ANK3: variants seen among roughly 807,000 people sequenced by gnomAD.
The protein encoded by ANK3 is ankyrin-3.
Under a neutral mutation model 370.9 loss-of-function variants are expected in ANK3, and 57 were observed. The ratio of observed to expected loss-of-function variants is 0.15; its 90% CI spans 0.12 to 0.19. The LOEUF (loss-of-function observed/expected upper bound fraction) is 0.19. Ranked by LOEUF, ANK3 falls within the 10% of genes least tolerant of loss-of-function variation. ANK3 has a pLI of 1.00. For missense variants in ANK3, 4,439 were observed against 5,302.1 expected (o/e 0.84, Z 5.06); for synonymous variants, 1,929 against 1,946.3 (o/e 0.99, Z 0.23).
chr10:60,727,137 A>G (rs1274630551), intron 1 of ANK3, among the ~76,000 whole-genome samples: 1 of 152,128 alleles, frequency 6.6e-6, no homozygotes, highest in Non-Finnish European at 1.5e-5. Flanking sequence ...CCCCGCCCCA[A>G]GCAAAAGAAA....
At chr10:60,241,771 C>T (rs1488615645) in intron 7 of ANK3, among the ~76,000 whole-genome samples, 2 of 152,018 alleles carry the variant, frequency 1.3e-5, no homozygotes, top group African/African-American at 4.8e-5. Context: ...TTTACTTCTC[C>T]TTAATCCTTT....
At chr10:60,422,960 G>A (rs541751375) in intron 2 of ANK3, among the ~76,000 whole-genome samples, 1 of 152,128 alleles carries the variant, frequency 6.6e-6, no homozygotes, top group East Asian at 1.9e-4. Flanking sequence ...AGGCACTATT[G>A]ACATTTGGTG....
chr10:60,267,520 G>C (rs997673410), intron 5 of ANK3, among the ~76,000 whole-genome samples: 1 of 152,048 alleles, frequency 6.6e-6, no homozygotes, highest in African/African-American at 2.4e-5. Flanking sequence ...ATGTAAAAGA[G>C]TAAAAACTTT....
chr10:60,330,500 G>A (rs906222208), intron 1 of ANK3, among the ~76,000 whole-genome samples: 3 of 152,090 alleles, frequency 2.0e-5, no homozygotes, highest in East Asian at 1.9e-4. Flanking sequence ...ACATTTATGC[G>A]GCCAACAAAC....
At chr10:60,343,635 TG>T (rs2054755814) in intron 1 of ANK3, among the ~76,000 whole-genome samples, 1 of 152,186 alleles carries the variant, frequency 6.6e-6, no homozygotes, top group African/African-American at 2.4e-5. Flanking sequence ...ATGGCTCCTC[TG>T]AGGAGTGAGA....
At chr10:60,702,347 T>A (rs925297544) in intron 1 of ANK3, among the ~76,000 whole-genome samples, 1 of 152,106 alleles carries the variant, frequency 6.6e-6, no homozygotes, top group Non-Finnish European at 1.5e-5. Flanking sequence ...AACAAATAAT[T>A]TGTACTCTAT....
At chr10:60,447,661 A>G (rs1326093941) in intron 2 of ANK3, among the ~76,000 whole-genome samples, 1 of 152,164 alleles carries the variant, frequency 6.6e-6, no homozygotes, top group African/African-American at 2.4e-5. Flanking sequence ...GTCAAAAATG[A>G]CATTTATTCC....
intron 2 of ANK3, among the ~76,000 whole-genome samples, chr10:60,430,529 G>A (rs771812377): frequency 6.6e-6 from 1 of 152,010 alleles, no homozygotes; most frequent in Non-Finnish European, 1.5e-5. Context: ...GTTCAAATCA[G>A]GACACTATTA....
chr10:60,481,464 G>GATATAT (rs57285526), intron 2 of ANK3, among the ~76,000 whole-genome samples: 1 of 150,980 alleles, frequency 6.6e-6, no homozygotes, highest in Admixed American at 6.6e-5. Context: ...ACACAAGGAA[G>GATATAT]ATATATATAT....
intron 2 of ANK3, among the ~76,000 whole-genome samples, chr10:60,571,208 G>T (rs981760877): frequency 6.6e-6 from 1 of 152,092 alleles, no homozygotes; most frequent in Non-Finnish European, 1.5e-5. Context: ...AGAAGTCAAG[G>T]CTGACTTAAA....
At chr10:60,637,165 T>A (rs751482006) in intron 1 of ANK3, among the ~76,000 whole-genome samples, 1 of 152,194 alleles carries the variant, frequency 6.6e-6, no homozygotes, top group East Asian at 1.9e-4. Context: ...TTTCCTCAGA[T>A]ACTTAATGAA....
In ANK3 at chr10:60,072,788, C is replaced by T. The variant is rs1296285737; in HGVS notation, c.8093G>A (p.Ser2698Asn). ...TVEAKGSISQ[S>N]KAPDGPQSGF... ...AGACTGGGGCCCATCTGGTGCTTTG[C>T]TCTGTGAAATACTTCCTTTGGCTTC... Residue 2698 changes from serine to asparagine, a missense_variant, in exon 37 of 44, where the codon AGC becomes AAC. Physicochemically the swap from Ser to Asn is conservative, Grantham distance 46 (BLOSUM62 1). This residue lies in a region of ANK3 where 1,601 missense variants were observed against 1,731.7 expected (regional missense o/e 0.92). Coordinates refer to ENST00000280772, the MANE Select transcript of ANK3 (RefSeq NM_020987.5). The T allele has an allele frequency of 1.2e-6, 2 of 1,614,120 alleles. No individual in the cohort carries two copies. The highest frequency in any genetic ancestry group is 1.7e-6 in the Non-Finnish European group (2 of 1,179,998).
At chr10:60,043,208 T>G (rs1049631354) in intron 42 of ANK3, 63 of 987,018 alleles carry the variant, frequency 6.4e-5, no homozygotes, top group Admixed American at 1.2e-4. Context: ...CCTCTTACTG[T>G]CAGACCAAGA....
Position 60,027,299 on chromosome 10 carries a change from T to TTTC in ANK3, c.*2546_*2547insGAA, listed in dbSNP as rs1564475001. 1 of 149,360 alleles carries TTTC rather than the reference T, an allele frequency of 6.7e-6. No homozygotes were observed. The highest frequency in any genetic ancestry group is 2.5e-5 in the African/African-American group (1 of 40,326). The allele number at this position is 149,360 out of a possible 1,614,324, so 9.3% of individuals were successfully genotyped here. On this transcript the variant is annotated 3_prime_UTR_variant, in exon 44 of 44. Coordinates refer to ENST00000280772, the MANE Select transcript of ANK3 (RefSeq NM_020987.5). ...CATTTTGGGAAAGTTTTTTTTTTTT[T>TTTC]TTTTTTTTAAAAAAAAAACCTCTCA...
intron 2 of ANK3, among the ~76,000 whole-genome samples, chr10:60,566,875 T>G (rs751023116): frequency 6.6e-6 from 1 of 152,124 alleles, no homozygotes; most frequent in South Asian, 2.1e-4. Context: ...AGACCCTGTC[T>G]CTTAAAAACA....
chr10:60,069,838 T>G lies in ANK3; in HGVS notation c.11043A>C (p.Glu3681Asp). The G allele has an allele frequency of 6.2e-7, 1 of 1,614,098 alleles. No homozygotes were observed. Among genetic ancestry groups the G allele is most frequent in the East Asian group, 2.2e-5 (1 of 44,864 alleles). The change falls in exon 37 of 44, where the codon GAA (glutamate) becomes GAC (aspartate). Residue 3681 changes from glutamate to aspartate, a missense_variant. Glu to Asp is a conservative substitution (Grantham distance 45, BLOSUM62 2). Around this residue, in one of 13 missense-constraint regions of ANK3, gnomAD observed 496 missense variants for 529.3 expected, o/e 0.94. Transcript: ENST00000280772. ...CGCTGGTCGGGATGCTGGGGTTAGG[T>G]TCCACTGTAGGTGTCTCTACATTTC... Reference protein sequence around the residue: ...LERNVETPTVEPNPSIPTSGE... With the variant: ...LERNVETPTVDPNPSIPTSGE...
chr10:60,724,901 AG>A (rs2079919396), intron 1 of ANK3, among the ~76,000 whole-genome samples: 1 of 152,164 alleles, frequency 6.6e-6, no homozygotes, highest in Non-Finnish European at 1.5e-5. Flanking sequence ...CGTGTTGTCT[AG>A]TTTTGTTTAA....
intron 1 of ANK3, among the ~76,000 whole-genome samples, chr10:60,619,499 T>C (rs1424920332): frequency 1.3e-5 from 2 of 152,202 alleles, no homozygotes; most frequent in African/African-American, 4.8e-5. Context: ...CTTTGCCCTT[T>C]TCATAGGCCA....
intron 1 of ANK3, among the ~76,000 whole-genome samples, chr10:60,623,607 G>A (rs1353182077): frequency 6.6e-6 from 1 of 152,188 alleles, no homozygotes; most frequent in Non-Finnish European, 1.5e-5. Context: ...GATATCATAG[G>A]TTGTTGAGCA....
Sources: gnomAD v4.1 joint callset for allele counts (sites outside exome capture counted in the v4.1 genomes callset) on GRCh38, gnomAD v4.1.1 for gene constraint, gnomAD v4.1.1 regional missense constraint, MANE v1.5 for transcripts, NCBI Gene and HGNC (gene_info 2026-07-23, HGNC 2026-07-21) for gene names.